LOC400499: variants seen among roughly 807,000 people sequenced by gnomAD.
At chr16:11,432,930 T>A in the LOC400499 span, among the ~76,000 whole-genome samples, 6 of 152,360 alleles carry the variant, frequency 3.9e-5, no homozygotes, top group African/African-American at 1.4e-4. Flanking sequence ...GAAACTACTT[T>A]GAGCAGCTTC....
chr16:11,418,359 T>C, the LOC400499 span, among the ~76,000 whole-genome samples: 2 of 152,074 alleles, frequency 1.3e-5, no homozygotes, highest in Non-Finnish European at 2.9e-5. Context: ...CAGCACAAGA[T>C]ACAGGTCATA....
At chr16:11,446,967 G>A in the LOC400499 span, 5 of 1,492,784 alleles carry the variant, frequency 3.3e-6, no homozygotes, top group Non-Finnish European at 4.4e-6. Flanking sequence ...CAGTGCCAGG[G>A]GACAATTGTG....
At chr16:11,468,516 G>A in the LOC400499 span, among the ~76,000 whole-genome samples, 2 of 152,220 alleles carry the variant, frequency 1.3e-5, no homozygotes, top group East Asian at 1.9e-4. Context: ...TGTAGACACC[G>A]GGTCTTGCTA....
the LOC400499 span, chr16:11,414,657 T>C: frequency 2.5e-6 from 1 of 398,072 alleles, no homozygotes; most frequent in East Asian, 3.6e-5. Context: ...GCGTGGGTGC[T>C]GGGTGGGGTC....
chr16:11,491,854 G>C, the LOC400499 span: 4 of 398,768 alleles, frequency 1.0e-5, no homozygotes, highest in East Asian at 3.6e-5. Context: ...CTCTGGCTTG[G>C]GCAGAAGGAA....
chr16:11,426,196 G>T, the LOC400499 span, among the ~76,000 whole-genome samples: 1 of 152,216 alleles, frequency 6.6e-6, no homozygotes, highest in African/African-American at 2.4e-5. Context: ...AGCACTTTGG[G>T]AGGCTGAGAC....
the LOC400499 span, among the ~76,000 whole-genome samples, chr16:11,482,761 T>A: frequency 6.6e-6 from 1 of 151,910 alleles, no homozygotes; most frequent in African/African-American, 2.4e-5. Flanking sequence ...GGTGTGGCAG[T>A]ACTGCCTATA....
At chr16:11,432,886 C>T in the LOC400499 span, among the ~76,000 whole-genome samples, 1 of 152,356 alleles carries the variant, frequency 6.6e-6, no homozygotes, top group South Asian at 2.1e-4. Context: ...CTCTAAATAA[C>T]ACAGAGGAAC....
chr16:11,408,081 C>T, the LOC400499 span, among the ~76,000 whole-genome samples: 1 of 139,830 alleles, frequency 7.2e-6, no homozygotes, highest in East Asian at 2.4e-4. Flanking sequence ...CTCCTGGGTT[C>T]AAGTGATTCT....
the LOC400499 span, among the ~76,000 whole-genome samples, chr16:11,374,255 G>A: frequency 6.6e-6 from 1 of 152,012 alleles, no homozygotes; most frequent in African/African-American, 2.4e-5. Context: ...TATAACTATG[G>A]TGTTCATAGG....
the LOC400499 span, chr16:11,460,373 T>C: frequency 7.6e-7 from 1 of 1,316,432 alleles, no homozygotes; most frequent in Non-Finnish European, 1.0e-6. Context: ...GCTATGTGAT[T>C]GTGAGCAAGT....
chr16:11,424,205 G>A, the LOC400499 span: 2 of 399,336 alleles, frequency 5.0e-6, no homozygotes, highest in Admixed American at 4.4e-5. Flanking sequence ...GGAGCTGGAG[G>A]CCCGAGGACT....
At chr16:11,466,222 C>T in the LOC400499 span, among the ~76,000 whole-genome samples, 1 of 152,052 alleles carries the variant, frequency 6.6e-6, no homozygotes, top group Non-Finnish European at 1.5e-5. Context: ...CAGTGGTTGG[C>T]TTTCAGGAGG....
chr16:11,406,951 G>A, the LOC400499 span, among the ~76,000 whole-genome samples: 2 of 152,234 alleles, frequency 1.3e-5, no homozygotes, highest in African/African-American at 4.8e-5. Flanking sequence ...CTTGATGAGA[G>A]GAAGGATTGA....
the LOC400499 span, among the ~76,000 whole-genome samples, chr16:11,477,605 A>T: frequency 1.6e-4 from 24 of 152,290 alleles, no homozygotes; most frequent in South Asian, 5.0e-3. Flanking sequence ...CTGCGGTGTG[A>T]CCTTGAACAT....
the LOC400499 span, among the ~76,000 whole-genome samples, chr16:11,378,720 G>C: frequency 6.6e-6 from 1 of 152,172 alleles, no homozygotes; most frequent in Non-Finnish European, 1.5e-5. Flanking sequence ...ATGTTGTTTA[G>C]TTCCCACATA....
At chr16:11,374,897 G>C in the LOC400499 span, among the ~76,000 whole-genome samples, 189 of 152,296 alleles carry the variant, frequency 1.2e-3, no homozygotes, top group African/African-American at 4.1e-3. Flanking sequence ...CACCCAGGCT[G>C]GAATGCGGTG....
At chr16:11,410,978 C>T in the LOC400499 span, among the ~76,000 whole-genome samples, 15 of 152,226 alleles carry the variant, frequency 9.9e-5, no homozygotes, top group African/African-American at 2.2e-4. Flanking sequence ...CAATGCCAGG[C>T]GCCAGGCACT....
At chr16:11,486,472 G>A in the LOC400499 span, among the ~76,000 whole-genome samples, 11 of 139,890 alleles carry the variant, frequency 7.9e-5, no homozygotes, top group African/African-American at 2.8e-4. Flanking sequence ...GACAGATGAT[G>A]GGTGGGTAGA....
Sources: gnomAD v4.1 joint callset for allele counts (sites outside exome capture counted in the v4.1 genomes callset) on GRCh38, gnomAD v4.1.1 for gene constraint, MANE v1.5 for transcripts.